Variants in FAM169A observed in about 807,000 individuals in gnomAD.
The protein encoded by FAM169A is soluble lamin-associated protein of 75 kDa.
A neutral mutation model predicts 75.7 loss-of-function variants in FAM169A; 24 were observed. The ratio of observed to expected loss-of-function variants is 0.32; its 90% CI spans 0.23 to 0.45. The LOEUF (loss-of-function observed/expected upper bound fraction) is 0.45, where lower values mean the gene tolerates loss of function less well. FAM169A is among the 20% of genes least tolerant of loss of function. FAM169A has a pLI of 1.00. For synonymous variants in FAM169A, 271 were observed against 271.0 expected (o/e 1.00, Z 0.00); for missense variants, 673 against 784.0 (o/e 0.86, Z 1.69).
chr5:74,806,032 G>A (rs1041355990), intron 6 of FAM169A, among the ~76,000 whole-genome samples: 3 of 144,016 alleles, frequency 2.1e-5, no homozygotes, highest in African/African-American at 7.6e-5. Context: ...AGAAAAATAA[G>A]GATAGAGACT....
At chr5:74,832,478 T>G (rs1427054826) in intron 5 of FAM169A, among the ~76,000 whole-genome samples, 3 of 151,692 alleles carry the variant, frequency 2.0e-5, no homozygotes, top group Non-Finnish European at 2.9e-5. Context: ...TTAAAAATCA[T>G]AAATAATAAA....
At chr5:74,791,705 A>C (rs939517001) in intron 11 of FAM169A, among the ~76,000 whole-genome samples, 1 of 152,220 alleles carries the variant, frequency 6.6e-6, no homozygotes, top group Non-Finnish European at 1.5e-5. Context: ...ATGGGAAACT[A>C]CAACAGCCCA....
At chr5:74,831,953 G>T (rs777188809) in intron 5 of FAM169A, among the ~76,000 whole-genome samples, 1 of 151,978 alleles carries the variant, frequency 6.6e-6, no homozygotes, top group African/African-American at 2.4e-5. Flanking sequence ...TTTGATGAAA[G>T]AATCAATTAC....
At chr5:74,811,816 G>A (rs1013114365) in intron 6 of FAM169A, among the ~76,000 whole-genome samples, 1 of 152,196 alleles carries the variant, frequency 6.6e-6, no homozygotes, top group Non-Finnish European at 1.5e-5. Flanking sequence ...GAATCCATAT[G>A]GATGAATCTC....
At chr5:74,849,961 A>G (rs2112707839) in intron 1 of FAM169A, among the ~76,000 whole-genome samples, 1 of 152,350 alleles carries the variant, frequency 6.6e-6, no homozygotes, top group South Asian at 2.1e-4. Flanking sequence ...CCTATAAATT[A>G]GGTAATAGAG....
chr5:74,780,475 T>C lies in FAM169A; in HGVS notation c.*985A>G, dbSNP rs1473400445. ...AGCTGTGGGGGAATATAAATAAGAC[T>C]GTAGAATTAGGGAGGTGGCAAGATT... On this transcript the variant is annotated 3_prime_UTR_variant, in exon 13 of 13. Coordinates refer to ENST00000687041, the MANE Select transcript of FAM169A (RefSeq NM_001376049.1). 6.6e-6 allele frequency: 1 copy of C among 151,994 alleles called. No homozygotes were observed. The highest frequency in any genetic ancestry group is 1.5e-5 in the Non-Finnish European group (1 of 68,028). The allele number at this position is 151,994 out of a possible 1,614,324, so 9.4% of individuals were successfully genotyped here.
chr5:74,814,341 C>T (rs997421464), intron 5 of FAM169A, among the ~76,000 whole-genome samples: 1 of 152,038 alleles, frequency 6.6e-6, no homozygotes, highest in Non-Finnish European at 1.5e-5. Context: ...ACTCATGCAA[C>T]TCTAAAACTC....
At position 74,778,542 on chromosome 5, in the gene FAM169A, TATA is replaced by T. The variant is rs1433198853; in HGVS notation, c.*2915_*2917del. 8.5e-5 allele frequency: 13 copies of T among 152,146 alleles called. No homozygotes were observed. The East Asian group carries it at 2.3e-3, about 27-fold the overall frequency. 9.4% of individuals were successfully genotyped at this position (152,146 alleles called of 1,614,324 possible). A position where few individuals can be genotyped will look rare whatever the true frequency, so the allele number is the denominator to read the frequency against. On this transcript the variant is annotated 3_prime_UTR_variant, in exon 13 of 13. Transcript: ENST00000687041. ...CTACACTGAATGGAAATACCATGAATATAGACACATTTTAAGTAGAAGACTGAC... is the reference window on the plus strand; with the variant it reads ...CTACACTGAATGGAAATACCATGAATGACACATTTTAAGTAGAAGACTGAC...
At chr5:74,825,007 G>C (rs780300880) in intron 5 of FAM169A, among the ~76,000 whole-genome samples, 1 of 152,016 alleles carries the variant, frequency 6.6e-6, no homozygotes, top group Non-Finnish European at 1.5e-5. Flanking sequence ...TGATTTGTTA[G>C]ATCAATTTTC....
At chr5:74,803,538 C>T (rs748391154) in intron 8 of FAM169A, among the ~76,000 whole-genome samples, 4 of 152,102 alleles carry the variant, frequency 2.6e-5, no homozygotes, top group African/African-American at 4.8e-5. Flanking sequence ...TAGATACACA[C>T]GTACAACATA....
rs1745350135 is a variant in FAM169A at position 74,780,329 on chromosome 5, G to GT, written c.*1130_*1131insA. The GT allele has an allele frequency of 3.3e-5, 5 of 152,304 alleles. No individual in the cohort carries two copies. The South Asian group carries it at 8.3e-4, about 25-fold the overall frequency. The allele number at this position is 152,304 out of a possible 1,614,324, so 9.4% of individuals were successfully genotyped here. ...GGGGCAGTTTTACTCCTGCCATATAGGTCTAACATTGTGGGGTGCACCTCC... is the reference window on the plus strand; with the variant it reads ...GGGGCAGTTTTACTCCTGCCATATAGTGTCTAACATTGTGGGGTGCACCTCC... On this transcript the variant is annotated 3_prime_UTR_variant, in exon 13 of 13. Coordinates refer to ENST00000687041, the MANE Select transcript of FAM169A (RefSeq NM_001376049.1).
intron 1 of FAM169A, 22 bp downstream of exon 1, chr5:74,866,143 C>T (rs1750329316): frequency 2.1e-6 from 2 of 974,748 alleles, no homozygotes; most frequent in Non-Finnish European, 2.4e-6. Flanking sequence ...CGGTCCGCGC[C>T]GGGGAGAGGG....
chr5:74,812,422 C>T (rs938922623), intron 6 of FAM169A, among the ~76,000 whole-genome samples: 2 of 151,968 alleles, frequency 1.3e-5, no homozygotes, highest in Admixed American at 6.6e-5. Context: ...CCACCATACC[C>T]AGCCAATGCC....
chr5:74,810,936 G>A (rs1459705458), intron 6 of FAM169A, among the ~76,000 whole-genome samples: 2 of 143,936 alleles, frequency 1.4e-5, no homozygotes, highest in African/African-American at 2.6e-5. Context: ...TCAGTCTCTC[G>A]AGTAACTGGG....
chr5:74,809,557 C>A (rs1014001126), intron 6 of FAM169A, among the ~76,000 whole-genome samples: 1 of 152,132 alleles, frequency 6.6e-6, no homozygotes, highest in African/African-American at 2.4e-5. Context: ...GATTGTGCCA[C>A]TGCACTCCAG....
intron 5 of FAM169A, among the ~76,000 whole-genome samples, chr5:74,829,611 T>C (rs544137679): frequency 8.5e-5 from 13 of 152,182 alleles, no homozygotes; most frequent in Admixed American, 2.6e-4. Context: ...TGAGCCATGA[T>C]TGCGCAACTG....
upstream of FAM169A, chr5:74,866,847 CG>C: frequency 1.0e-6 from 1 of 985,534 alleles, no homozygotes. Context: ...ATCCCGGCCT[CG>C]GGACAGGGGT....
At chr5:74,784,139 T>C (rs1745549966) in intron 11 of FAM169A, among the ~76,000 whole-genome samples, 1 of 151,974 alleles carries the variant, frequency 6.6e-6, no homozygotes. Context: ...GTCATTCCCA[T>C]AGATAAAACA....
At chr5:74,862,916 C>T (rs1461660526) in intron 1 of FAM169A, among the ~76,000 whole-genome samples, 1 of 150,618 alleles carries the variant, frequency 6.6e-6, no homozygotes, top group African/African-American at 2.4e-5. Context: ...TTGTGACCTA[C>T]AACACACAAC....
Sources: allele counts gnomAD v4.1 joint callset (sites outside exome capture counted in the v4.1 genomes callset), GRCh38; gene constraint gnomAD v4.1.1; transcripts MANE v1.5; gene names NCBI Gene and HGNC (gene_info 2026-07-23, HGNC 2026-07-21).